Variants in LPCAT3 observed in about 807,000 individuals in gnomAD.
LPCAT3 encodes lysophospholipid acyltransferase 5.
Under a neutral mutation model 63.4 loss-of-function variants are expected in LPCAT3, and 21 were observed. The ratio of observed to expected loss-of-function variants is 0.33; its 90% CI spans 0.23 to 0.48. The LOEUF is 0.48. LPCAT3 is among the 20% of genes least tolerant of loss of function. LPCAT3 has a pLI of 0.99. For missense variants in LPCAT3, 451 were observed against 590.6 expected, an observed-to-expected ratio of 0.76 and a Z score of 2.45; for synonymous variants, 242 against 227.5, an observed-to-expected ratio of 1.06 and a Z score of -0.58.
rs1555157769 is a variant in LPCAT3, at chr12:7,018,280, A to G, written c.145T>C (p.Phe49Leu). 6.2e-7 allele frequency: 1 copy of G among 1,602,270 alleles called. No homozygotes were observed. Among genetic ancestry groups the G allele is most frequent in the South Asian group, 1.1e-5 (1 of 88,930 alleles). ...EQALRLIISI[F>L]LGYPFALFYR... ...GAGGCAGGAGGGTCCTTACCCAGGA[A>G]GATGGAGATGATCAGCCGCAGCGCC... Residue 49 changes from phenylalanine (F) to leucine (L), a missense_variant, in exon 1 of 13, where the codon TTC becomes CTC. Phe to Leu is a conservative substitution (Grantham distance 22). Transcript: ENST00000261407. This position sits in a 1 kb window ranked among gnomAD's most constrained non-coding sequence, Gnocchi z 4.9.
chr12:7,009,893 T>C (rs1397135195), intron 1 of LPCAT3, among the ~76,000 whole-genome samples: 1 of 152,242 alleles, frequency 6.6e-6, no homozygotes, highest in Non-Finnish European at 1.5e-5. Flanking sequence ...ATACTGCTGC[T>C]AGTTATGAAT....
rs911103010 is a variant in LPCAT3 at position 6,987,054 on chromosome 12, A to G, written c.152-3515T>C. On this transcript the variant is annotated intron_variant, in intron 1 of 12. Coordinates refer to ENST00000261407, the MANE Select transcript of LPCAT3 (RefSeq NM_005768.6). The surrounding 1 kb of genome is among the most constrained non-coding windows in gnomAD (Gnocchi z 4.1). ...CTTGAACCCAGGAGGCGGAGGTGGC[A>G]GTGAGCTGAGATCACGCCATTGCAC... Among the ~76,000 whole-genome samples, 10 of 151,982 alleles carry G rather than the reference A, an allele frequency of 6.6e-5. No individual in the cohort carries two copies. Among genetic ancestry groups the G allele is most frequent in the Admixed American group, 3.3e-4 (5 of 15,250 alleles).
intron 9 of LPCAT3, 24 bp downstream of exon 9, chr12:6,978,317 C>T (rs1565596587): frequency 1.9e-6 from 3 of 1,591,556 alleles, no homozygotes; most frequent in Non-Finnish European, 2.6e-6. Flanking sequence ...GAACCAGGGT[C>T]CAGGCTCCCC....
intron 6 of LPCAT3, 31 bp from the exon 7 acceptor site, chr12:6,979,610 CAG>C: frequency 1.4e-6 from 2 of 1,428,970 alleles, no homozygotes; most frequent in South Asian, 1.1e-5. Context: ...TTCCTGGTCA[CAG>C]AGAGCAGAGA....
intron 1 of LPCAT3, among the ~76,000 whole-genome samples, chr12:6,988,786 C>G (rs1361270299): frequency 6.6e-6 from 1 of 152,114 alleles, no homozygotes; most frequent in Non-Finnish European, 1.5e-5. Context: ...GGGTTGATGC[C>G]TTACCTTTAT....
At chr12:6,998,791 G>A (rs922935633) in intron 1 of LPCAT3, among the ~76,000 whole-genome samples, 1 of 152,226 alleles carries the variant, frequency 6.6e-6, no homozygotes, top group Non-Finnish European at 1.5e-5. Context: ...CTTGGGCTGA[G>A]TCATATGCTG....
Position 6,982,673 on chromosome 12 carries a change from T to C in LPCAT3, c.366+3A>G. 6.2e-7 allele frequency: 1 copy of C among 1,606,378 alleles called. No homozygotes were observed. Among genetic ancestry groups the C allele is most frequent in the Non-Finnish European group, 8.5e-7 (1 of 1,173,062 alleles). Reference sequence around the variant, plus strand: ...CCTGAGCTGCTAAGGGAAAGACGTTTACCATCTGGAAGCAAAAGGTAGTGA... The same window carrying C: ...CCTGAGCTGCTAAGGGAAAGACGTTCACCATCTGGAAGCAAAAGGTAGTGA... On this transcript the variant is annotated splice_donor_region_variant and intron_variant, in intron 3 of 12. Coordinates refer to ENST00000261407, the MANE Select transcript of LPCAT3 (RefSeq NM_005768.6).
intron 1 of LPCAT3, among the ~76,000 whole-genome samples, chr12:6,988,847 C>T (rs1555155096): frequency 2.0e-5 from 3 of 152,130 alleles, no homozygotes; most frequent in African/African-American, 4.8e-5. Context: ...AACTTGTTGG[C>T]CGGGCGCCGT....
chr12:7,012,658 C>T (rs1182783260), intron 1 of LPCAT3, among the ~76,000 whole-genome samples: 4 of 152,140 alleles, frequency 2.6e-5, no homozygotes, highest in Non-Finnish European at 5.9e-5. Context: ...AGTTATGATA[C>T]CAATACTGTC....
chr12:7,005,793 T>C (rs782556907), intron 1 of LPCAT3, among the ~76,000 whole-genome samples: 12 of 152,214 alleles, frequency 7.9e-5, no homozygotes, highest in Non-Finnish European at 1.6e-4. Flanking sequence ...TATTGTTGAA[T>C]TCTAAGAGTT....
chr12:6,981,869 G>C lies in LPCAT3; in HGVS notation c.402C>G (p.Thr134=), dbSNP rs782036822. The C allele has an allele frequency of 6.2e-7, 1 of 1,613,460 alleles. No individual in the cohort carries two copies. The highest frequency in any genetic ancestry group is 2.2e-5 in the East Asian group (1 of 44,890). ...TTGTCCACTTGATATCGTAGTTGCC[G>C]GTGGCAGTGTAATAGTATCCAGCCA... ...YLLAGYYYTA[T]GNYDIKWTMP... Residue 134 remains threonine (T), a synonymous_variant, in exon 4 of 13, where the codon ACC becomes ACG. Coordinates refer to ENST00000261407, the MANE Select transcript of LPCAT3 (RefSeq NM_005768.6).
chr12:6,979,375 G>T, intron 7 of LPCAT3, 96 bp downstream of exon 7: 1 of 891,764 alleles, frequency 1.1e-6, no homozygotes, highest in Non-Finnish European at 1.8e-6. Context: ...ACTTGTAGAT[G>T]ATATTTCCTA....
chr12:6,981,390 T>G (rs1016602333), intron 5 of LPCAT3: 3 of 682,424 alleles, frequency 4.4e-6, no homozygotes, highest in Non-Finnish European at 7.5e-6. Context: ...TTGCTGGCAT[T>G]GATCTCTGGA....
intron 1 of LPCAT3, among the ~76,000 whole-genome samples, chr12:7,008,364 C>T (rs2054004063): frequency 6.6e-6 from 1 of 152,146 alleles, no homozygotes; most frequent in South Asian, 2.1e-4. Context: ...TACACACACA[C>T]TCCTATCTTA....
chr12:7,014,869 G>C (rs1946787366), intron 1 of LPCAT3, among the ~76,000 whole-genome samples: 1 of 146,606 alleles, frequency 6.8e-6, no homozygotes, highest in Admixed American at 6.8e-5. Context: ...CTCCAGTGTG[G>C]GTGACAGAGC....
intron 4 of LPCAT3, 41 bp from the exon 5 acceptor site, chr12:6,981,673 G>A (rs1555154098): frequency 3.2e-6 from 5 of 1,556,504 alleles, no homozygotes; most frequent in Admixed American, 1.7e-5. Flanking sequence ...GGTGGGAGAG[G>A]ACACTGAGGA....
chr12:6,982,216 T>G (rs1228038029), intron 3 of LPCAT3, among the ~76,000 whole-genome samples: 1 of 152,156 alleles, frequency 6.6e-6, no homozygotes, highest in East Asian at 1.9e-4. Context: ...TTTGTATTTT[T>G]TTTGTAGAGA....
At chr12:7,000,569 CAG>C (rs1328499567) in intron 1 of LPCAT3, among the ~76,000 whole-genome samples, 1 of 95,782 alleles carries the variant, frequency 1.0e-5, no homozygotes, top group Non-Finnish European at 1.9e-5. Flanking sequence ...GCCTGGGAGA[CAG>C]AGTGAGACTC....
In LPCAT3 at chr12:7,017,991, C is replaced by A. The variant is rs1348330112; in HGVS notation, c.151+283G>T. ...GACAAATAAAGACAGGTCGTGGGAGCAAGGGTAGAGCCTGGCACAAGAGGG... is the reference window on the plus strand; with the variant it reads ...GACAAATAAAGACAGGTCGTGGGAGAAAGGGTAGAGCCTGGCACAAGAGGG... On this transcript the variant is annotated intron_variant, in intron 1 of 12. Transcript: ENST00000261407. The surrounding 1 kb of genome is among the most constrained non-coding windows in gnomAD (Gnocchi z 4.1). Among the ~76,000 whole-genome samples, 1 of 152,144 alleles carries A rather than the reference C, an allele frequency of 6.6e-6. No homozygotes were observed. Among genetic ancestry groups the A allele is most frequent in the Non-Finnish European group, 1.5e-5 (1 of 68,022 alleles).
Sources: allele counts gnomAD v4.1 joint callset (sites outside exome capture counted in the v4.1 genomes callset), GRCh38; gene constraint gnomAD v4.1.1; non-coding constraint Gnocchi (gnomAD v3.1); transcripts MANE v1.5; gene names NCBI Gene and HGNC (gene_info 2026-07-23, HGNC 2026-07-21).